The following SLIT2 variants were observed in gnomAD, a reference collection of about 807,000 sequenced individuals.
SLIT2 encodes the protein slit guidance ligand 2, also known as slit homolog 2 protein.
A neutral mutation model predicts 185.7 loss-of-function variants in SLIT2; 41 were observed. The ratio of observed to expected loss-of-function variants is 0.22; its 90% CI spans 0.17 to 0.29. The LOEUF is 0.29. Ranked by LOEUF, SLIT2 falls within the 10% of genes least tolerant of loss-of-function variation. The pLI, the probability that SLIT2 is intolerant of heterozygous loss-of-function variation, is 1.00. For missense variants in SLIT2, 1,571 were observed against 1,909.0 expected, an observed-to-expected ratio of 0.82 and a Z score of 3.30; for synonymous variants, 693 against 680.2, an observed-to-expected ratio of 1.02 and a Z score of -0.29.
At chr4:20,433,048 G>A (rs984333076) in intron 4 of SLIT2, among the ~76,000 whole-genome samples, 8 of 152,066 alleles carry the variant, frequency 5.3e-5, no homozygotes, top group African/African-American at 1.9e-4. Flanking sequence ...TGTGAGTTAA[G>A]GTATGCTTCC....
intron 9 of SLIT2, among the ~76,000 whole-genome samples, chr4:20,501,199 G>A (rs1292311162): frequency 3.3e-5 from 5 of 151,834 alleles, no homozygotes; most frequent in Non-Finnish European, 7.4e-5. Flanking sequence ...AAATATTTTG[G>A]CTTCCTACAG....
chr4:20,463,603 G>A (rs1435654700), intron 4 of SLIT2, among the ~76,000 whole-genome samples: 10 of 148,072 alleles, frequency 6.8e-5, no homozygotes, highest in African/African-American at 1.5e-4. Flanking sequence ...GGCCGGGCAC[G>A]GTGGTTCACG....
Position 20,542,558 on chromosome 4 carries a change from A to G in SLIT2, c.2208A>G (p.Thr736=). ...CTACTGAATGTACTTGCTTGGATAC[A>G]GTCGTCCGATGTAGCAACAAGGGTT... is the stretch of plus-strand genomic sequence containing the variant. ...RCPTECTCLD[T]VVRCSNKGLK... The change falls in exon 21 of 37, where the codon ACA becomes ACG. Residue 736 remains threonine, a synonymous_variant. Transcript: ENST00000504154. 3 of 1,613,886 alleles carry G rather than the reference A, an allele frequency of 1.9e-6. No homozygotes were observed. The highest frequency in any genetic ancestry group is 2.2e-5 in the East Asian group (1 of 44,862).
chr4:20,463,491 A>ATATATATATGTG (rs1491274435), intron 4 of SLIT2, among the ~76,000 whole-genome samples: 1 of 96,224 alleles, frequency 1.0e-5, no homozygotes, highest in East Asian at 2.6e-4. Flanking sequence ...ATATATATAT[A>ATATATATATGTG]TGTGTGTGTG....
At chr4:20,273,599 C>G (rs1315168406) in intron 4 of SLIT2, among the ~76,000 whole-genome samples, 1 of 151,986 alleles carries the variant, frequency 6.6e-6, no homozygotes, top group African/African-American at 2.4e-5. Context: ...ATGTTTGATT[C>G]CCCTAGGTTT....
chr4:20,417,436 G>GTGTGTGTATATATATATATATATA (rs1553898364), intron 4 of SLIT2, among the ~76,000 whole-genome samples: 2 of 123,678 alleles, frequency 1.6e-5, no homozygotes, highest in Non-Finnish European at 3.5e-5. Context: ...ATGTGTGTGT[G>GTGTGTGTATATATATATATATATA]TATATATATA....
Position 20,253,697 on chromosome 4 carries a change from C to G in SLIT2, c.-119C>G, listed in dbSNP as rs1353700962. The G allele has an allele frequency of 4.9e-6, 6 of 1,222,420 alleles. No individual in the cohort carries two copies. Among genetic ancestry groups the G allele is most frequent in the African/African-American group, 4.5e-5 (3 of 66,810 alleles). 75.7% of individuals were successfully genotyped at this position (1,222,420 alleles called of 1,614,324 possible). A position where few individuals can be genotyped will look rare whatever the true frequency, so the allele number is the denominator to read the frequency against. On this transcript the variant is annotated 5_prime_UTR_variant, in exon 1 of 37. Coordinates refer to ENST00000504154, the MANE Select transcript of SLIT2 (RefSeq NM_004787.4). Reference sequence around the variant, plus strand: ...CCATATTATTTGGTGCACATTTTCCCTGGCACTCTGGGTTGCTAGCCCCGC... The same window carrying G: ...CCATATTATTTGGTGCACATTTTCCGTGGCACTCTGGGTTGCTAGCCCCGC...
intron 4 of SLIT2, among the ~76,000 whole-genome samples, chr4:20,323,159 T>C (rs1345296495): frequency 1.3e-5 from 2 of 151,766 alleles, no homozygotes; most frequent in Admixed American, 1.3e-4. Context: ...TAGGCAAAGA[T>C]AGTAAAAATT....
chr4:20,318,242 G>A (rs1044135736), intron 4 of SLIT2, among the ~76,000 whole-genome samples: 8 of 152,080 alleles, frequency 5.3e-5, no homozygotes. Flanking sequence ...AACAATCATC[G>A]GCCTCTGCCA....
chr4:20,591,047 A>G (rs1727477894), intron 30 of SLIT2, among the ~76,000 whole-genome samples: 1 of 152,232 alleles, frequency 6.6e-6, no homozygotes, highest in African/African-American at 2.4e-5. Context: ...GACAGCTAGC[A>G]AATAGCATTA....
At chr4:20,341,242 G>T (rs1720938651) in intron 4 of SLIT2, among the ~76,000 whole-genome samples, 1 of 152,210 alleles carries the variant, frequency 6.6e-6, no homozygotes, top group South Asian at 2.1e-4. Context: ...TGAAGGAATT[G>T]TGTTCCCCTT....
intron 34 of SLIT2, chr4:20,615,477 T>C (rs1163096373): frequency 6.6e-6 from 1 of 152,234 alleles, no homozygotes; most frequent in East Asian, 1.9e-4. Flanking sequence ...CCTGTAAAGC[T>C]GCCTTTGAGC....
At chr4:20,368,936 A>G (rs150022438) in intron 4 of SLIT2, among the ~76,000 whole-genome samples, 2 of 152,262 alleles carry the variant, frequency 1.3e-5, no homozygotes, top group South Asian at 2.1e-4. Context: ...TTATTTATCA[A>G]TAACAAGACC....
At chr4:20,592,726 A>G (rs1211739348) in intron 30 of SLIT2, among the ~76,000 whole-genome samples, 1 of 152,078 alleles carries the variant, frequency 6.6e-6, no homozygotes, top group African/African-American at 2.4e-5. Flanking sequence ...CTCTGCTCAC[A>G]TTAACATTGA....
chr4:20,333,065 C>A (rs1277423717), intron 4 of SLIT2, among the ~76,000 whole-genome samples: 1 of 152,114 alleles, frequency 6.6e-6, no homozygotes, highest in African/African-American at 2.4e-5. Flanking sequence ...GGAGTTACCA[C>A]ATGATGTAAG....
At chr4:20,356,413 A>G (rs978904191) in intron 4 of SLIT2, among the ~76,000 whole-genome samples, 2 of 152,182 alleles carry the variant, frequency 1.3e-5, no homozygotes, top group Non-Finnish European at 2.9e-5. Flanking sequence ...CCAGCGGTAC[A>G]AGATCAGATC....
chr4:20,370,178 G>C (rs1372182257), intron 4 of SLIT2, among the ~76,000 whole-genome samples: 2 of 152,054 alleles, frequency 1.3e-5, no homozygotes, highest in African/African-American at 4.8e-5. Context: ...ACTAAAACCA[G>C]ATGATCTGAG....
rs147721177 is a variant in SLIT2, at chr4:20,513,858, C to T, written c.1058+2721C>T. ...GGAAAGGCATTCAAGACAGAGGGAA[C>T]GGTTAAGTACTAAGGACGTTTAGCA... On this transcript the variant is annotated intron_variant, in intron 11 of 36. Coordinates refer to ENST00000504154, the MANE Select transcript of SLIT2 (RefSeq NM_004787.4). 3.4e-3 allele frequency among the ~76,000 whole-genome samples: 524 copies of T among 152,100 alleles called. 1 individual carries two copies. The highest frequency in any genetic ancestry group is 0.011 in the African/African-American group (474 of 41,494).
chr4:20,402,779 A>C (rs1726463106), intron 4 of SLIT2, among the ~76,000 whole-genome samples: 1 of 151,760 alleles, frequency 6.6e-6, no homozygotes, highest in Admixed American at 6.6e-5. Context: ...GTGGTAAAGG[A>C]TTTTGAATTT....
Sources: allele counts gnomAD v4.1 joint callset (sites outside exome capture counted in the v4.1 genomes callset), GRCh38; gene constraint gnomAD v4.1.1; transcripts MANE v1.5; gene names NCBI Gene and HGNC (gene_info 2026-07-23, HGNC 2026-07-21).